CLNK: variants seen among roughly 807,000 people sequenced by gnomAD.
The protein encoded by CLNK is cytokine dependent hematopoietic cell linker.
Under a neutral mutation model 68.6 loss-of-function variants are expected in CLNK, and 74 were observed. The observed-to-expected ratio is 1.08, with a 90% CI of 0.89 to 1.31. The LOEUF is 1.31. Ranked by LOEUF, CLNK falls within the 50% of genes most tolerant of loss-of-function variation. The probability of loss-of-function intolerance (pLI) is 0.00; values close to 1 mark genes in which losing one functional copy is unlikely to be tolerated. For missense variants in CLNK, 553 were observed against 515.3 expected (o/e 1.07, Z -0.71); for synonymous variants, 198 against 172.2 (o/e 1.15, Z -1.17).
Position 10,530,001 on chromosome 4 carries a change from C to G in CLNK, c.631-1907G>C, listed in dbSNP as rs185578889. On this transcript the variant is annotated intron_variant, in intron 12 of 18. Coordinates refer to ENST00000226951, the MANE Select transcript of CLNK (RefSeq NM_052964.4). ...CTCTTTCTCCTTCCTTTTTTCTTTT[C>G]CTTTTTCCTCCCTCCTTCCCTTTTC... Among the ~76,000 whole-genome samples, 239 of 151,630 alleles carry G rather than the reference C, an allele frequency of 1.6e-3. 1 individual carries two copies. Among genetic ancestry groups the G allele is most frequent in the African/African-American group, 5.3e-3 (220 of 41,276 alleles).
chr4:10,716,849 AT>A, the CLNK span, among the ~76,000 whole-genome samples: 1 of 151,806 alleles, frequency 6.6e-6, no homozygotes, highest in Non-Finnish European at 1.5e-5. Context: ...ACACACCACC[AT>A]GCTCAGCTAA....
At position 10,627,546 on chromosome 4, in the gene CLNK, A is replaced by C. The variant is rs544414094; in HGVS notation, c.12-29497T>G. Reference sequence around the variant, plus strand: ...AACAACATTGCCACTTGGAACCATGACTGGAGCGTAGTGGATACTGTCAAG... The same window carrying C: ...AACAACATTGCCACTTGGAACCATGCCTGGAGCGTAGTGGATACTGTCAAG... On this transcript the variant is annotated intron_variant, in intron 2 of 18. Coordinates refer to ENST00000226951, the MANE Select transcript of CLNK (RefSeq NM_052964.4). 1.4e-4 allele frequency among the ~76,000 whole-genome samples: 21 copies of C among 152,298 alleles called. No homozygotes were observed. In the South Asian group the frequency reaches 4.1e-3, roughly 30 times the overall value.
intron 2 of CLNK, among the ~76,000 whole-genome samples, chr4:10,613,298 G>A (rs1722101835): frequency 6.6e-6 from 1 of 152,174 alleles, no homozygotes; most frequent in South Asian, 2.1e-4. Context: ...GTCAAGGTGA[G>A]CCTTGCTGGA....
At chr4:10,562,625 C>T (rs1318907089) in intron 7 of CLNK, among the ~76,000 whole-genome samples, 1 of 152,098 alleles carries the variant, frequency 6.6e-6, no homozygotes, top group Non-Finnish European at 1.5e-5. Context: ...AGGCTGGTCT[C>T]GAACTCCTGA....
intron 2 of CLNK, among the ~76,000 whole-genome samples, chr4:10,629,136 C>T (rs1019211659): frequency 1.3e-5 from 2 of 152,198 alleles, no homozygotes; most frequent in Non-Finnish European, 2.9e-5. Flanking sequence ...GGTTTATAAA[C>T]TTCTGCGCCT....
At chr4:10,667,494 G>A (rs1577207995) in intron 2 of CLNK, among the ~76,000 whole-genome samples, 1 of 150,374 alleles carries the variant, frequency 6.7e-6, no homozygotes, top group East Asian at 1.9e-4. Flanking sequence ...AGAGAAAGTT[G>A]GACTCCAGGC....
At chr4:10,632,053 G>T (rs1297570146) in intron 2 of CLNK, among the ~76,000 whole-genome samples, 3 of 152,198 alleles carry the variant, frequency 2.0e-5, no homozygotes, top group African/African-American at 7.2e-5. Context: ...GTGTTTACCT[G>T]CTATCTCTAA....
intron 1 of CLNK, among the ~76,000 whole-genome samples, chr4:10,679,039 C>A (rs4440209): frequency 0.99 from 151,180 of 152,304 alleles, 75,033 homozygotes; most frequent in East Asian, 1. Flanking sequence ...TGGAAGCAAA[C>A]AAGAGCGTGC....
chr4:10,699,514 T>TATATATATATATATA, the CLNK span, among the ~76,000 whole-genome samples: 5 of 18,432 alleles, frequency 2.7e-4, no homozygotes, highest in South Asian at 1.9e-3. Context: ...ATATATATAT[T>TATATATATATATATA]TTTTTTTTTT....
Position 10,572,170 on chromosome 4 carries a change from C to G in CLNK, c.113-392G>C, listed in dbSNP as rs142105862. 8.7e-3 allele frequency among the ~76,000 whole-genome samples: 1,329 copies of G among 152,350 alleles called. 16 individuals are homozygous for G. The highest frequency in any genetic ancestry group is 0.029 in the African/African-American group (1,225 of 41,576). Reference sequence around the variant, plus strand: ...AGTTTTATTTTCCCTTCTCTTCCCCCACAAGGCACAGCATGTTGCAATTGC... The same window carrying G: ...AGTTTTATTTTCCCTTCTCTTCCCCGACAAGGCACAGCATGTTGCAATTGC... On this transcript the variant is annotated intron_variant, in intron 4 of 18. Transcript: ENST00000226951.
intron 3 of CLNK, among the ~76,000 whole-genome samples, chr4:10,590,281 G>A (rs1024423729): frequency 1.3e-5 from 2 of 151,988 alleles, no homozygotes; most frequent in Non-Finnish European, 2.9e-5. Flanking sequence ...AGTAAACTCC[G>A]CCCCCTCTTC....
intron 11 of CLNK, among the ~76,000 whole-genome samples, chr4:10,538,067 C>T (rs1209978266): frequency 1.3e-5 from 2 of 152,004 alleles, no homozygotes; most frequent in African/African-American, 4.8e-5. Flanking sequence ...AGATAAAATG[C>T]TTTTTTCTCC....
intron 1 of CLNK, among the ~76,000 whole-genome samples, chr4:10,674,961 A>C (rs1221770113): frequency 6.6e-6 from 1 of 151,736 alleles, no homozygotes; most frequent in Non-Finnish European, 1.5e-5. Flanking sequence ...AACATCACAC[A>C]CTGGGGCCTG....
intron 3 of CLNK, among the ~76,000 whole-genome samples, chr4:10,590,515 C>T (rs111637448): frequency 1.3e-5 from 2 of 152,294 alleles, no homozygotes; most frequent in African/African-American, 2.4e-5. Flanking sequence ...CAGGCACCGA[C>T]TGTTAGTCCA....
At chr4:10,719,336 A>G in the CLNK span, among the ~76,000 whole-genome samples, 3 of 152,160 alleles carry the variant, frequency 2.0e-5, no homozygotes, top group Non-Finnish European at 4.4e-5. Context: ...AGGCAGTTTG[A>G]GAGTAAAAGG....
At chr4:10,521,846 G>A (rs1022169786) in intron 14 of CLNK, among the ~76,000 whole-genome samples, 2 of 152,064 alleles carry the variant, frequency 1.3e-5, no homozygotes, top group East Asian at 3.9e-4. Flanking sequence ...ATTTCTCTGC[G>A]CTAATAGTAT....
chr4:10,547,931 G>A (rs564423351), intron 8 of CLNK, among the ~76,000 whole-genome samples: 1 of 152,158 alleles, frequency 6.6e-6, no homozygotes, highest in Non-Finnish European at 1.5e-5. Flanking sequence ...TGGCTACTGT[G>A]AATAATGCTG....
At chr4:10,686,844 A>C (rs1416674004), upstream of CLNK, among the ~76,000 whole-genome samples, 1 of 152,158 alleles carries the variant, frequency 6.6e-6, no homozygotes, top group African/African-American at 2.4e-5. Flanking sequence ...TTACTCATGA[A>C]GAATTGAAGA....
Position 10,564,652 on chromosome 4 carries a change from A to G in CLNK, c.399+19T>C, listed in dbSNP as rs775522686. Reference sequence around the variant, plus strand: ...GAGCCCTACACATGTTTGTGTCACAATGTCCAGTCTTTACTCACTCTTTCC... The same window carrying G: ...GAGCCCTACACATGTTTGTGTCACAGTGTCCAGTCTTTACTCACTCTTTCC... On this transcript the variant is annotated intron_variant, in intron 7 of 18. Coordinates refer to ENST00000226951, the MANE Select transcript of CLNK (RefSeq NM_052964.4). 2 of 1,532,936 alleles carry G rather than the reference A, an allele frequency of 1.3e-6. No homozygotes were observed. The highest frequency in any genetic ancestry group is 1.8e-6 in the Non-Finnish European group (2 of 1,106,424). The allele number at this position is 1,532,936 out of a possible 1,614,324, so 95.0% of individuals were successfully genotyped here.
Sources: gnomAD v4.1 joint callset for allele counts (sites outside exome capture counted in the v4.1 genomes callset) on GRCh38, gnomAD v4.1.1 for gene constraint, MANE v1.5 for transcripts, NCBI Gene and HGNC (gene_info 2026-07-23, HGNC 2026-07-21) for gene names.